Variants in PCNX2 observed in about 807,000 individuals in gnomAD.
PCNX2 encodes pecanex 2.
Under a neutral mutation model 223.8 loss-of-function variants are expected in PCNX2, and 168 were observed. The ratio of observed to expected loss-of-function variants is 0.75; its 90% confidence interval spans 0.66 to 0.85. The LOEUF (loss-of-function observed/expected upper bound fraction) is 0.85, where lower values mean the gene tolerates loss of function less well. Among genes scored for constraint, PCNX2 ranks in the 40% least tolerant of loss-of-function variants. The probability of loss-of-function intolerance (pLI) is 0.00; values close to 1 mark genes in which losing one functional copy is unlikely to be tolerated. For synonymous variants in PCNX2, 1,006 were observed against 1,052.6 expected (o/e 0.96, Z 0.86); for missense variants, 2,507 against 2,675.5 (o/e 0.94, Z 1.39).
intron 1 of PCNX2, chr1:233,288,976 A>G (rs1312380865): frequency 9.2e-6 from 14 of 1,518,474 alleles, no homozygotes; most frequent in African/African-American, 4.1e-5. Context: ...GCTTTGTCCA[A>G]ATGAACCTTC....
chr1:233,268,806 C>T (rs1000885443), intron 1 of PCNX2, among the ~76,000 whole-genome samples: 1 of 152,234 alleles, frequency 6.6e-6, no homozygotes, highest in African/African-American at 2.4e-5. Flanking sequence ...ACCCCCATGA[C>T]TTCCTCCTCC....
At chr1:233,005,368 G>A (rs537832681) in intron 28 of PCNX2, among the ~76,000 whole-genome samples, 8 of 152,290 alleles carry the variant, frequency 5.3e-5, no homozygotes, top group African/African-American at 1.7e-4. Context: ...GCCCAGCTGC[G>A]TGTGCCCGGC....
chr1:233,295,406 G>A lies in PCNX2; in HGVS notation c.73C>T (p.Pro25Ser). Reference protein sequence around the residue: ...AALTGGWYHDPEQSKFTNSCH... With the variant: ...AALTGGWYHDSEQSKFTNSCH... ...CTGTTGGTGAACTTGCTCTGCTCCGGGTCGTGGTACCAGCCCCCGGTGAGC... is the reference window on the plus strand; with the variant it reads ...CTGTTGGTGAACTTGCTCTGCTCCGAGTCGTGGTACCAGCCCCCGGTGAGC... Residue 25 changes from proline (P) to serine (S), a missense_variant, in exon 1 of 34, where the codon CCG (proline) becomes TCG (serine). Pro to Ser is a moderately conservative substitution (Grantham distance 74). Transcript: ENST00000258229. This position sits in a 1 kb window ranked among gnomAD's most constrained non-coding sequence, Gnocchi z 4.1. The A allele has an allele frequency of 6.4e-7, 1 of 1,553,612 alleles. No homozygotes were observed.
intron 1 of PCNX2, among the ~76,000 whole-genome samples, chr1:233,264,490 T>A (rs1315052093): frequency 6.6e-6 from 1 of 152,126 alleles, no homozygotes; most frequent in Non-Finnish European, 1.5e-5. Context: ...CAAGTTGGAC[T>A]GTCCCTAAAA....
chr1:233,130,710 C>T (rs1429824599), intron 21 of PCNX2, among the ~76,000 whole-genome samples: 2 of 151,870 alleles, frequency 1.3e-5, no homozygotes, highest in African/African-American at 4.8e-5. Flanking sequence ...GTCTCAATCT[C>T]CTGACCTCAT....
At chr1:233,105,484 T>C (rs1007382231) in intron 21 of PCNX2, among the ~76,000 whole-genome samples, 1 of 152,192 alleles carries the variant, frequency 6.6e-6, no homozygotes, top group Non-Finnish European at 1.5e-5. Context: ...CAAGAGGCAT[T>C]AAACAAGATG....
intron 1 of PCNX2, chr1:233,290,646 TG>T (rs1661708291): frequency 1.4e-6 from 1 of 706,082 alleles, no homozygotes; most frequent in Non-Finnish European, 1.7e-6. Flanking sequence ...TAGAATGTGT[TG>T]GGTGCTTACT....
chr1:233,285,064 A>C (rs1356260091), intron 1 of PCNX2: 1 of 965,286 alleles, frequency 1.0e-6, no homozygotes, highest in African/African-American at 1.8e-5. Flanking sequence ...GTATAAATAA[A>C]AAATAGGGCC....
At chr1:233,155,850 A>C (rs1678089521) in intron 19 of PCNX2, among the ~76,000 whole-genome samples, 1 of 152,170 alleles carries the variant, frequency 6.6e-6, no homozygotes, top group Non-Finnish European at 1.5e-5. Flanking sequence ...AATTTGCTTT[A>C]TTTTCTAAAA....
At chr1:233,130,543 G>A (rs1040558544) in intron 21 of PCNX2, among the ~76,000 whole-genome samples, 2 of 151,070 alleles carry the variant, frequency 1.3e-5, no homozygotes, top group African/African-American at 4.9e-5. Context: ...GGAGTGCAGT[G>A]GCGCAATCTC....
rs189029574 is a variant in PCNX2, at chr1:233,200,896, G to C, written c.2864-632C>G. Among the ~76,000 whole-genome samples, 10 of 151,186 alleles carry C rather than the reference G, an allele frequency of 6.6e-5. No individual in the cohort carries two copies. The East Asian group carries it at 2.0e-3, about 30-fold the overall frequency. On this transcript the variant is annotated intron_variant, in intron 13 of 33. Transcript: ENST00000258229. ...CAAAAATTAGCTGGGCGTGGTGGCG[G>C]GCGCCTGTAGTCCCAGCTACTCGGG...
chr1:233,217,752 TTA>T (rs567676899), intron 12 of PCNX2, 145 bp downstream of exon 12: 4,915 of 763,548 alleles, frequency 6.4e-3, no homozygotes, highest in Middle Eastern at 7.9e-3. Flanking sequence ...CACCATGCAC[TTA>T]TATATATATA....
Position 233,139,738 on chromosome 1 carries a change from C to A in PCNX2, c.3635G>T (p.Ser1212Ile). 1 of 1,606,842 alleles carries A rather than the reference C, an allele frequency of 6.2e-7. No individual in the cohort carries two copies. The highest frequency in any genetic ancestry group is 8.5e-7 in the Non-Finnish European group (1 of 1,176,272). Residue 1212 changes from serine (S) to isoleucine (I), a missense_variant, in exon 20 of 34, where the codon AGC becomes ATC. Coordinates refer to ENST00000258229, the MANE Select transcript of PCNX2 (RefSeq NM_014801.4). This position sits in a 1 kb window ranked among gnomAD's most constrained non-coding sequence, Gnocchi z 4.4. ...CTGGGTACCAAGTCTCCGGTGATTGCTTATTAAAAATGCATCAATAGTGAG... is the reference window on the plus strand; with the variant it reads ...CTGGGTACCAAGTCTCCGGTGATTGATTATTAAAAATGCATCAATAGTGAG... ...NALTIDAFLI[S>I]NHRRLGTHWD... is the part of the protein sequence containing the mutation.
intron 15 of PCNX2, among the ~76,000 whole-genome samples, chr1:233,193,996 T>C (rs1362348306): frequency 2.0e-5 from 3 of 151,884 alleles, no homozygotes; most frequent in African/African-American, 7.2e-5. Context: ...GAAGACATAT[T>C]TGAAATGAGA....
In PCNX2 at chr1:233,139,685, A is replaced by T; in HGVS notation, c.3659+29T>A. ...CGATTTTGAAAATGTGACCCAAATCATTATGAAGATAAACCATTAACCACT... is the reference window on the plus strand; with the variant it reads ...CGATTTTGAAAATGTGACCCAAATCTTTATGAAGATAAACCATTAACCACT... On this transcript the variant is annotated intron_variant, in intron 20 of 33. Transcript: ENST00000258229. This position sits in a 1 kb window ranked among gnomAD's most constrained non-coding sequence, Gnocchi z 4.4. 1 of 1,558,312 alleles carries T rather than the reference A, an allele frequency of 6.4e-7. No individual in the cohort carries two copies. The highest frequency in any genetic ancestry group is 1.2e-5 in the South Asian group (1 of 84,234).
At position 233,259,095 on chromosome 1, in the gene PCNX2, A is replaced by C; in HGVS notation, c.767T>G (p.Leu256Trp). ...ATACTGAGACAAAGACAGGTGGGGC[A>C]ACTTCTTCAAGGGTCCCTTATCCAC... ...GLVDKGPLKK[L>W]PHLSLSQYDL... The change falls in exon 5 of 34, where the codon TTG becomes TGG. Residue 256 changes from leucine to tryptophan, a missense_variant. By Grantham distance (61) the Leu-to-Trp change is moderately conservative (BLOSUM62 -2). Coordinates refer to ENST00000258229, the MANE Select transcript of PCNX2 (RefSeq NM_014801.4). The C allele has an allele frequency of 6.2e-7, 1 of 1,613,936 alleles. No homozygotes were observed. Among genetic ancestry groups the C allele is most frequent in the Admixed American group, 1.7e-5 (1 of 60,018 alleles).
At chr1:233,142,936 GTCA>G (rs747455889) in intron 19 of PCNX2, among the ~76,000 whole-genome samples, 2 of 151,756 alleles carry the variant, frequency 1.3e-5, no homozygotes, top group African/African-American at 2.4e-5. Flanking sequence ...CCTATCCCTG[GTCA>G]TCTGCTTTCC....
intron 25 of PCNX2, among the ~76,000 whole-genome samples, chr1:233,031,185 T>C (rs1325938831): frequency 6.6e-6 from 1 of 152,240 alleles, no homozygotes; most frequent in Non-Finnish European, 1.5e-5. Context: ...TTTATAATTG[T>C]TTATGATAGT....
At chr1:233,031,054 G>A (rs1558176021) in intron 25 of PCNX2, among the ~76,000 whole-genome samples, 1 of 152,162 alleles carries the variant, frequency 6.6e-6, no homozygotes, top group Non-Finnish European at 1.5e-5. Flanking sequence ...AAGCACCTCT[G>A]GGCAGAAAGT....
Sources: gnomAD v4.1 joint callset for allele counts (sites outside exome capture counted in the v4.1 genomes callset) on GRCh38, gnomAD v4.1.1 for gene constraint, Gnocchi (gnomAD v3.1) non-coding constraint, MANE v1.5 for transcripts, NCBI Gene and HGNC (gene_info 2026-07-23, HGNC 2026-07-21) for gene names.